The following FRA10AC1 variants were observed in gnomAD, a reference collection of about 807,000 sequenced individuals.
The protein encoded by FRA10AC1 is protein FRA10AC1.
In FRA10AC1, 43 loss-of-function variants were observed where a neutral mutation model predicts 56.5. That is an observed-to-expected ratio of 0.76 (90% confidence interval 0.60 to 0.98). The LOEUF is 0.98. Ranked by LOEUF, FRA10AC1 falls within the 50% of genes least tolerant of loss-of-function variation. The probability of loss-of-function intolerance (pLI) is 0.00; values close to 1 mark genes in which losing one functional copy is unlikely to be tolerated. For synonymous variants in FRA10AC1, 112 were observed against 110.5 expected, an observed-to-expected ratio of 1.01 and a Z score of -0.09; for missense variants, 346 against 351.8, an observed-to-expected ratio of 0.98 and a Z score of 0.13.
At chr10:93,699,473 C>T (rs977227108) in intron 2 of FRA10AC1, among the ~76,000 whole-genome samples, 10 of 152,182 alleles carry the variant, frequency 6.6e-5, no homozygotes, top group Admixed American at 6.5e-4. Flanking sequence ...AATGCTCCTA[C>T]GCACAGCAGC....
chr10:93,680,800 C>T (rs941960699), intron 11 of FRA10AC1, among the ~76,000 whole-genome samples: 3 of 152,130 alleles, frequency 2.0e-5, no homozygotes, highest in Admixed American at 6.6e-5. Context: ...TGAATTATCT[C>T]GTTTCAACTT....
chr10:93,700,029 C>G lies in FRA10AC1; in HGVS notation c.77+1G>C, dbSNP rs2059303602. On this transcript the variant is annotated splice_donor_variant, in intron 2 of 13. Coordinates refer to ENST00000359204, the MANE Select transcript of FRA10AC1 (RefSeq NM_145246.5). LOFTEE classifies it high-confidence loss of function. Reference sequence around the variant, plus strand: ...TAGATCAATAAAAAAAAATTACTTACCTTTTTTTCCTTTTGCTGGATTCTC... The same window carrying G: ...TAGATCAATAAAAAAAAATTACTTAGCTTTTTTTCCTTTTGCTGGATTCTC... 1.3e-6 allele frequency: 2 copies of G among 1,525,316 alleles called. No homozygotes were observed. The highest frequency in any genetic ancestry group is 1.8e-6 in the Non-Finnish European group (2 of 1,106,340). The allele number at this position is 1,525,316 out of a possible 1,614,324, so 94.5% of individuals were successfully genotyped here. A position where few individuals can be genotyped will look rare whatever the true frequency, so the allele number is the denominator to read the frequency against.
upstream of FRA10AC1, chr10:93,702,719 G>A (rs2133954062): frequency 1.6e-5 from 4 of 251,092 alleles, no homozygotes; most frequent in South Asian, 1.2e-4. Flanking sequence ...GGGACGAAGA[G>A]GCTTCCAGCT....
chr10:93,670,841 A>T lies in FRA10AC1; in HGVS notation c.834T>A (p.Ser278=). ...KKSEDSLLRN[S]DEEESASESE... ...ATTCTGAAGCACTTTCTTCCTCATC[A>T]GAGTTTCCTGTTCATTTAAAAAAGA... The change falls in exon 13 of 14, where the codon TCT becomes TCA. Residue 278 remains serine, a synonymous_variant. Coordinates refer to ENST00000359204, the MANE Select transcript of FRA10AC1 (RefSeq NM_145246.5). 1 of 1,608,168 alleles carries T rather than the reference A, an allele frequency of 6.2e-7. No individual in the cohort carries two copies. The highest frequency in any genetic ancestry group is 8.5e-7 in the Non-Finnish European group (1 of 1,175,206).
At chr10:93,691,920 A>T in intron 7 of FRA10AC1, 89 bp downstream of exon 7, 1 of 1,347,636 alleles carries the variant, frequency 7.4e-7, no homozygotes, top group Non-Finnish European at 1.0e-6. Flanking sequence ...TAGCATCTTT[A>T]AAAGAATAAT....
chr10:93,689,436 C>T (rs1300513842), intron 7 of FRA10AC1, among the ~76,000 whole-genome samples: 1 of 152,228 alleles, frequency 6.6e-6, no homozygotes. Context: ...CTGTTTAATT[C>T]TATTTTTCAG....
At position 93,692,680 on chromosome 10, in the gene FRA10AC1, G is replaced by A. The variant is rs1208029670; in HGVS notation, c.346C>T (p.Leu116=). The change falls in exon 6 of 14, where the codon CTA becomes TTA. Residue 116 remains leucine (L), a synonymous_variant. Coordinates refer to ENST00000359204, the MANE Select transcript of FRA10AC1 (RefSeq NM_145246.5). ...LDVIRENHRF[L]WNEEDEMDMT... ...TCCATTTCGTCCTCCTCATTCCATA[G>A]GAATCTATGATTTTCTCGTATAACA... 1.9e-6 allele frequency: 3 copies of A among 1,598,578 alleles called. No individual in the cohort carries two copies. Among genetic ancestry groups the A allele is most frequent in the African/African-American group, 2.7e-5 (2 of 73,844 alleles).
At chr10:93,670,717 G>T in intron 13 of FRA10AC1, 53 bp downstream of exon 13, 1 of 1,165,110 alleles carries the variant, frequency 8.6e-7, no homozygotes, top group Non-Finnish European at 1.3e-6. Context: ...TGTGGTTATA[G>T]CTTCCTAAAC....
chr10:93,668,020 T>C lies in FRA10AC1; in HGVS notation c.*1806A>G, dbSNP rs76392199. On this transcript the variant is annotated 3_prime_UTR_variant, in exon 14 of 14. Coordinates refer to ENST00000359204, the MANE Select transcript of FRA10AC1 (RefSeq NM_145246.5). ...ATAATTACTTCCTAGATGGTTCCTT[T>C]ACAGCCATGCCCAGCTCAGTGCCTC... The C allele has an allele frequency of 2.9e-4, 44 of 152,314 alleles. No individual in the cohort carries two copies. The East Asian group carries it at 7.3e-3, about 25-fold the overall frequency. The allele number at this position is 152,314 out of a possible 1,614,324, so 9.4% of individuals were successfully genotyped here.
At chr10:93,694,455 C>A (rs1275305119) in intron 5 of FRA10AC1, among the ~76,000 whole-genome samples, 3 of 152,028 alleles carry the variant, frequency 2.0e-5, no homozygotes, top group Non-Finnish European at 4.4e-5. Context: ...GTGGCTCACG[C>A]CTGTAATCCC....
intron 1 of FRA10AC1, among the ~76,000 whole-genome samples, chr10:93,700,699 A>G (rs1297683721): frequency 6.6e-6 from 1 of 152,216 alleles, no homozygotes; most frequent in Non-Finnish European, 1.5e-5. Context: ...AGTATTTGTG[A>G]ACAGTACATC....
At chr10:93,693,559 T>TACACCATATATATATAC (rs1171116328) in intron 5 of FRA10AC1, among the ~76,000 whole-genome samples, 5 of 136,194 alleles carry the variant, frequency 3.7e-5, no homozygotes, top group African/African-American at 1.4e-4. Context: ...CACACATACA[T>TACACCATATATATATAC]ACACCATATA....
intron 11 of FRA10AC1, among the ~76,000 whole-genome samples, chr10:93,680,067 G>A (rs1280801583): frequency 1.3e-5 from 2 of 152,136 alleles, no homozygotes; most frequent in East Asian, 3.9e-4. Flanking sequence ...TCCAACCTTA[G>A]CCCTGAACCT....
At chr10:93,701,806 T>C (rs2059337304) in intron 1 of FRA10AC1, among the ~76,000 whole-genome samples, 1 of 152,064 alleles carries the variant, frequency 6.6e-6, no homozygotes, top group African/African-American at 2.4e-5. Flanking sequence ...CTGTAGTGTG[T>C]TTAGAGATAT....
chr10:93,686,337 C>T (rs2059027168), intron 8 of FRA10AC1, among the ~76,000 whole-genome samples: 1 of 151,782 alleles, frequency 6.6e-6, no homozygotes. Flanking sequence ...AAAGAAATCA[C>T]ATAAATCACA....
chr10:93,679,501 A>G (rs1168775619), intron 11 of FRA10AC1, among the ~76,000 whole-genome samples: 6 of 152,194 alleles, frequency 3.9e-5, no homozygotes, highest in Admixed American at 3.9e-4. Context: ...CTGGGATAGA[A>G]CTGAGAGTTT....
At chr10:93,673,197 A>T in intron 12 of FRA10AC1, 1 of 378,394 alleles carries the variant, frequency 2.6e-6, no homozygotes, top group Non-Finnish European at 5.1e-6. Context: ...CCTTAAATTA[A>T]GGCAAAAATC....
rs2059133356 is a variant in FRA10AC1 at position 93,692,074 on chromosome 10, T to C, written c.400A>G (p.Lys134Glu). The change falls in exon 7 of 14, where the codon AAA (lysine) becomes GAA (glutamate). Residue 134 changes from lysine to glutamate, a missense_variant. By Grantham distance (56) the Lys-to-Glu change is moderately conservative. Coordinates refer to ENST00000359204, the MANE Select transcript of FRA10AC1 (RefSeq NM_145246.5). ...DMTWEKRLAK[K>E]YYDKLFKEYC... is the part of the protein sequence containing the mutation. The stretch of plus-strand genomic sequence containing the variant: ...TCCTTAAATAATTTATCATAGTATT[T>C]CTTAGCAAGTCTCTTCTCCCTAGAC... 23 of 1,550,290 alleles carry C rather than the reference T, an allele frequency of 1.5e-5. No homozygotes were observed. Among genetic ancestry groups the C allele is most frequent in the Non-Finnish European group, 2.0e-5 (23 of 1,154,616 alleles).
intron 12 of FRA10AC1, chr10:93,675,777 G>C: frequency 4.5e-6 from 1 of 224,604 alleles, no homozygotes; most frequent in Non-Finnish European, 9.9e-6. Flanking sequence ...GATAAGTCCA[G>C]AGAGTATAAA....
Sources: gnomAD v4.1 joint callset for allele counts (sites outside exome capture counted in the v4.1 genomes callset) on GRCh38, gnomAD v4.1.1 for gene constraint, MANE v1.5 for transcripts, NCBI Gene and HGNC (gene_info 2026-07-23, HGNC 2026-07-21) for gene names.